SSH2: variants seen among roughly 807,000 people sequenced by gnomAD.
The protein encoded by SSH2 is protein phosphatase Slingshot homolog 2.
Under a neutral mutation model 135.2 loss-of-function variants are expected in SSH2, and 37 were observed. The observed-to-expected ratio is 0.27, with a 90% CI of 0.21 to 0.36. The LOEUF is 0.36. Among genes scored for constraint, SSH2 ranks in the 10% least tolerant of loss-of-function variants. The pLI is 1.00. For missense variants in SSH2, 1,408 were observed against 1,765.3 expected (o/e 0.80, Z 3.63); for synonymous variants, 628 against 646.2 (o/e 0.97, Z 0.43).
intron 2 of SSH2, among the ~76,000 whole-genome samples, chr17:29,832,292 A>G (rs2042860383): frequency 6.6e-6 from 1 of 152,108 alleles, no homozygotes; most frequent in African/African-American, 2.4e-5. Flanking sequence ...CACCATACCC[A>G]GCTAATTTTT....
chr17:29,815,411 C>A (rs1367890301), intron 2 of SSH2, among the ~76,000 whole-genome samples: 1 of 152,100 alleles, frequency 6.6e-6, no homozygotes, highest in Non-Finnish European at 1.5e-5. Context: ...TGTTAGCCAC[C>A]GTGCCTGGCC....
At chr17:29,666,351 G>C (rs750503813) in intron 11 of SSH2, among the ~76,000 whole-genome samples, 3 of 151,974 alleles carry the variant, frequency 2.0e-5, no homozygotes, top group Non-Finnish European at 4.4e-5. Context: ...TCCAGGCTGG[G>C]CAACAGAGCG....
intron 3 of SSH2, among the ~76,000 whole-genome samples, chr17:29,775,536 G>A (rs1250655404): frequency 6.6e-6 from 1 of 152,134 alleles, no homozygotes; most frequent in Non-Finnish European, 1.5e-5. Context: ...TTTAATCAGT[G>A]AGGAAACCAT....
chr17:29,848,627 C>T (rs2065488855), intron 2 of SSH2, among the ~76,000 whole-genome samples: 1 of 152,170 alleles, frequency 6.6e-6, no homozygotes, highest in South Asian at 2.1e-4. Flanking sequence ...TGATAAATAA[C>T]TTTTGAGTGG....
intron 3 of SSH2, among the ~76,000 whole-genome samples, chr17:29,713,002 T>C (rs1232003579): frequency 1.3e-5 from 2 of 152,120 alleles, no homozygotes; most frequent in Non-Finnish European, 2.9e-5. Context: ...CAACAGGACA[T>C]ATTGCTAAAT....
chr17:29,781,279 A>T (rs2151288655), intron 3 of SSH2, among the ~76,000 whole-genome samples: 1 of 152,286 alleles, frequency 6.6e-6, no homozygotes, highest in South Asian at 2.1e-4. Context: ...TAGAAAAATT[A>T]TTTCACCAAA....
intron 2 of SSH2, among the ~76,000 whole-genome samples, chr17:29,841,892 A>ATTTTTTTTTTTTTTTTTTTT (rs770836134): frequency 5.0e-5 from 5 of 99,640 alleles, no homozygotes; most frequent in African/African-American, 2.0e-4. Flanking sequence ...CCCTTGGCTA[A>ATTTTTTTTTTTTTTTTTTTT]TTTTTTTTTT....
intron 13 of SSH2, among the ~76,000 whole-genome samples, chr17:29,648,627 T>C (rs2150996658): frequency 6.6e-6 from 1 of 152,354 alleles, no homozygotes; most frequent in South Asian, 2.1e-4. Flanking sequence ...ATGTGCAAAG[T>C]GCTGGGATGC....
intron 5 of SSH2, among the ~76,000 whole-genome samples, chr17:29,694,146 C>G (rs1294086408): frequency 6.6e-6 from 1 of 152,050 alleles, no homozygotes; most frequent in African/African-American, 2.4e-5. Context: ...TGGCCCAAGA[C>G]AATTCTTCTT....
At chr17:29,753,128 T>C (rs1005261152) in intron 3 of SSH2, among the ~76,000 whole-genome samples, 3 of 152,106 alleles carry the variant, frequency 2.0e-5, no homozygotes, top group African/African-American at 4.8e-5. Context: ...TAAAAAATTA[T>C]CTGCCTTTTT....
chr17:29,912,693 T>C (rs2066786446), intron 1 of SSH2, among the ~76,000 whole-genome samples: 1 of 152,152 alleles, frequency 6.6e-6, no homozygotes, highest in Non-Finnish European at 1.5e-5. Flanking sequence ...ATCTTGCCAC[T>C]ACACCCCAGC....
intron 1 of SSH2, among the ~76,000 whole-genome samples, chr17:29,893,402 A>G (rs2056608494): frequency 6.6e-6 from 1 of 152,160 alleles, no homozygotes; most frequent in African/African-American, 2.4e-5. Flanking sequence ...GCCTTCAGGA[A>G]GTAAGTCATG....
At chr17:29,702,515 C>A (rs547046224) in intron 4 of SSH2, among the ~76,000 whole-genome samples, 1 of 148,896 alleles carries the variant, frequency 6.7e-6, no homozygotes, top group Non-Finnish European at 1.5e-5. Context: ...ATGAGCTGGG[C>A]GTGGTGGCGG....
chr17:29,883,543 T>C (rs1189078537), intron 1 of SSH2, among the ~76,000 whole-genome samples: 1 of 152,250 alleles, frequency 6.6e-6, no homozygotes, highest in Non-Finnish European at 1.5e-5. Flanking sequence ...CTATGCATGA[T>C]GAATTGATAA....
chr17:29,916,017 C>A lies in SSH2; in HGVS notation c.63+13921G>T, dbSNP rs144730431. Among the ~76,000 whole-genome samples, 991 of 127,118 alleles carry A rather than the reference C, an allele frequency of 7.8e-3. 17 individuals are homozygous for A. Among genetic ancestry groups the A allele is most frequent in the African/African-American group, 0.028 (941 of 33,562 alleles). The allele number at this position is 127,118 out of a possible 152,430, so 83.4% of individuals were successfully genotyped here. A position where few individuals can be genotyped will look rare whatever the true frequency, so the allele number is the denominator to read the frequency against. On this transcript the variant is annotated intron_variant, in intron 1 of 15. Coordinates refer to ENST00000540801, the MANE Select transcript of SSH2 (RefSeq NM_001282129.2). ...ACAACATGCCCCAGTGTGTGATGTT[C>A]CCCTTTCTGTGTCCAAGTGTTCTCA...
chr17:29,913,339 A>ATTATAT (rs2066802581), intron 1 of SSH2, among the ~76,000 whole-genome samples: 1 of 51,822 alleles, frequency 1.9e-5, no homozygotes, highest in Non-Finnish European at 4.1e-5. Flanking sequence ...AAAAAAAAAA[A>ATTATAT]AAAAAAAAAT....
At chr17:29,793,651 A>G (rs996293954) in intron 3 of SSH2, 2 of 335,724 alleles carry the variant, frequency 6.0e-6, no homozygotes, top group Non-Finnish European at 1.1e-5. Context: ...TTTTTAAAAA[A>G]CGGAGGAAGG....
chr17:29,655,074 G>A (rs2151009021), intron 12 of SSH2, among the ~76,000 whole-genome samples: 1 of 152,172 alleles, frequency 6.6e-6, no homozygotes, highest in South Asian at 2.1e-4. Context: ...TTGGGAGGTG[G>A]GGGGACGAAA....
At chr17:29,926,376 A>C (rs2067065509) in intron 1 of SSH2, among the ~76,000 whole-genome samples, 1 of 141,652 alleles carries the variant, frequency 7.1e-6, no homozygotes, top group Admixed American at 7.1e-5. Context: ...CCATCTCTAC[A>C]AAAAAAAAAA....
Sources: gnomAD v4.1 joint callset for allele counts (sites outside exome capture counted in the v4.1 genomes callset) on GRCh38, gnomAD v4.1.1 for gene constraint, MANE v1.5 for transcripts, NCBI Gene and HGNC (gene_info 2026-07-23, HGNC 2026-07-21) for gene names.